FZD6: variants seen among roughly 807,000 people sequenced by gnomAD.
FZD6 encodes the protein frizzled class receptor 6, also known as frizzled-6.
Under a neutral mutation model 61.4 loss-of-function variants are expected in FZD6, and 49 were observed. The observed-to-expected ratio is 0.80, with a 90% CI of 0.63 to 1.01. The LOEUF is 1.01. Ranked by LOEUF, FZD6 falls within the 50% of genes least tolerant of loss-of-function variation. The pLI is 0.00. For missense variants in FZD6, 724 were observed against 848.2 expected, an observed-to-expected ratio of 0.85 and a Z score of 1.82; for synonymous variants, 265 against 292.2, an observed-to-expected ratio of 0.91 and a Z score of 0.95.
At chr8:103,307,993 G>A (rs146169180) in intron 2 of FZD6, 102 of 454,906 alleles carry the variant, frequency 2.2e-4, no homozygotes, top group Admixed American at 1.2e-3. Flanking sequence ...TGATCCTGCT[G>A]GAACATGATA....
At chr8:103,300,420 GA>G in intron 2 of FZD6, 136 bp downstream of exon 2, 1 of 743,040 alleles carries the variant, frequency 1.3e-6, no homozygotes, top group Non-Finnish European at 2.4e-6. Context: ...AAGTCCTTTT[GA>G]AAATTAAATC....
chr8:103,326,707 A>C (rs1186666405), intron 4 of FZD6, among the ~76,000 whole-genome samples: 7 of 151,300 alleles, frequency 4.6e-5, no homozygotes, highest in South Asian at 2.1e-4. Context: ...AAAAAAACAA[A>C]CAAACAATCC....
intron 2 of FZD6, among the ~76,000 whole-genome samples, chr8:103,315,889 G>C (rs948091006): frequency 2.0e-5 from 3 of 152,136 alleles, no homozygotes; most frequent in African/African-American, 7.2e-5. Flanking sequence ...CAGCCTCTTT[G>C]AACTGTTTTA....
intron 1 of FZD6, among the ~76,000 whole-genome samples, chr8:103,299,711 C>T (rs765282113): frequency 1.8e-4 from 28 of 152,268 alleles, no homozygotes; most frequent in Non-Finnish European, 4.0e-4. Context: ...TCTTGCCATT[C>T]CCTCTTTTTA....
intron 3 of FZD6, among the ~76,000 whole-genome samples, chr8:103,322,862 G>A (rs138279152): frequency 1.3e-5 from 2 of 152,162 alleles, no homozygotes; most frequent in Non-Finnish European, 2.9e-5. Flanking sequence ...ACAGAGAGTC[G>A]TGCACAAGAA....
chr8:103,329,686 G>T lies in FZD6; in HGVS notation c.1573G>T (p.Glu525Ter). The change falls in exon 6 of 7, where the codon GAA becomes TAA. Residue 525 changes from glutamate to a stop codon, truncating the protein, a stop_gained. Transcript: ENST00000358755. LOFTEE classifies it high-confidence loss of function. Reference protein sequence around the residue: ...PISESRRVLQESCEFFLKHNS... With the variant: ...PISESRRVLQ ...CAGTGAAAGTCGAAGAGTACTACAG[G>T]AATCATGTGAGTTTTTCTTAAAGCA... 6.2e-7 allele frequency: 1 copy of T among 1,611,542 alleles called. No individual in the cohort carries two copies. Among genetic ancestry groups the T allele is most frequent in the Non-Finnish European group, 8.5e-7 (1 of 1,178,010 alleles).
At chr8:103,326,700 AAAAC>A (rs1463580046) in intron 4 of FZD6, among the ~76,000 whole-genome samples, 2 of 116,560 alleles carry the variant, frequency 1.7e-5, no homozygotes, top group African/African-American at 3.4e-5. Flanking sequence ...GTGACAAAAA[AAAAC>A]AAACAAACAA....
intron 2 of FZD6, among the ~76,000 whole-genome samples, chr8:103,317,404 A>G (rs1186875744): frequency 1.4e-4 from 22 of 152,198 alleles, no homozygotes; most frequent in Non-Finnish European, 5.9e-5. Flanking sequence ...AAAGAATCGC[A>G]TTGGTTGGAA....
chr8:103,325,547 A>C, intron 4 of FZD6, 49 bp downstream of exon 4: 1 of 1,394,448 alleles, frequency 7.2e-7, no homozygotes, highest in Non-Finnish European at 1.0e-6. Flanking sequence ...TAATGTAGAA[A>C]ATGTTTCATG....
At chr8:103,307,890 A>G (rs932523496) in intron 2 of FZD6, 2 of 455,984 alleles carry the variant, frequency 4.4e-6, no homozygotes, top group African/African-American at 2.0e-5. Context: ...GGTATGGTCT[A>G]CTTGGGAACT....
chr8:103,330,836 A>G (rs754370746), intron 6 of FZD6, among the ~76,000 whole-genome samples: 1 of 152,198 alleles, frequency 6.6e-6, no homozygotes, highest in Non-Finnish European at 1.5e-5. Flanking sequence ...CCCTATATAT[A>G]TAAGTAGTGC....
At chr8:103,317,105 C>G (rs1814643384) in intron 2 of FZD6, among the ~76,000 whole-genome samples, 1 of 152,142 alleles carries the variant, frequency 6.6e-6, no homozygotes, top group Non-Finnish European at 1.5e-5. Context: ...GGCAGGAATG[C>G]CTCTTTGAGG....
intron 2 of FZD6, among the ~76,000 whole-genome samples, chr8:103,308,789 T>C (rs916229926): frequency 2.6e-4 from 40 of 152,186 alleles, no homozygotes; most frequent in Non-Finnish European, 7.3e-5. Flanking sequence ...ACTCAATTCA[T>C]GAGAGGTAAC....
intron 6 of FZD6, among the ~76,000 whole-genome samples, 193 bp from the exon 7 acceptor site, chr8:103,331,148 C>G (rs1176534387): frequency 6.6e-6 from 1 of 151,690 alleles, no homozygotes; most frequent in Admixed American, 6.6e-5. Context: ...TTATTGCACT[C>G]CAGCCTAGCA....
intron 2 of FZD6, among the ~76,000 whole-genome samples, chr8:103,302,099 C>T (rs1326429145): frequency 1.3e-5 from 2 of 151,896 alleles, no homozygotes; most frequent in Admixed American, 1.3e-4. Context: ...AGAGAGCCAT[C>T]AAGCAGTCAC....
intron 6 of FZD6, 37 bp from the exon 7 acceptor site, chr8:103,331,304 T>C: frequency 6.9e-7 from 1 of 1,449,328 alleles, no homozygotes; most frequent in South Asian, 1.1e-5. Flanking sequence ...TTTGTGTTTG[T>C]GGATGTGTGT....
In FZD6 at chr8:103,329,671, C is replaced by G. The variant is rs151317643; in HGVS notation, c.1558C>G (p.Arg520Gly). 1.2e-6 allele frequency: 2 copies of G among 1,607,716 alleles called. No homozygotes were observed. The highest frequency in any genetic ancestry group is 1.7e-5 in the Admixed American group (1 of 59,914). Residue 520 changes from arginine (R) to glycine (G), a missense_variant, in exon 6 of 7, where the codon CGA becomes GGA. Arg to Gly is a moderately radical substitution (Grantham distance 125, BLOSUM62 -2). Coordinates refer to ENST00000358755, the MANE Select transcript of FZD6 (RefSeq NM_003506.4). ...TTCTTATAGTCCAATCAGTGAAAGTCGAAGAGTACTACAGGAATCATGTGA... is the reference window on the plus strand; with the variant it reads ...TTCTTATAGTCCAATCAGTGAAAGTGGAAGAGTACTACAGGAATCATGTGA... ...NRKRDPISES[R>G]RVLQESCEFF...
At chr8:103,318,446 A>G in intron 2 of FZD6, 144 bp from the exon 3 acceptor site, 1 of 653,610 alleles carries the variant, frequency 1.5e-6, no homozygotes, top group South Asian at 1.8e-5. Flanking sequence ...ATTGTGTATG[A>G]AGAGTTCATA....
chr8:103,315,579 G>A (rs2130302855), intron 2 of FZD6, among the ~76,000 whole-genome samples: 1 of 152,324 alleles, frequency 6.6e-6, no homozygotes, highest in South Asian at 2.1e-4. Flanking sequence ...ACAGAAGGCA[G>A]ATCAGTTGTT....
Sources: gnomAD v4.1 joint callset for allele counts (sites outside exome capture counted in the v4.1 genomes callset) on GRCh38, gnomAD v4.1.1 for gene constraint, MANE v1.5 for transcripts, NCBI Gene and HGNC (gene_info 2026-07-23, HGNC 2026-07-21) for gene names.